ROBO2: variants seen among roughly 807,000 people sequenced by gnomAD.
The protein encoded by ROBO2 is roundabout homolog 2.
A neutral mutation model predicts 160.8 loss-of-function variants in ROBO2; 53 were observed. That is an observed-to-expected ratio of 0.33 (90% CI 0.26 to 0.41). The LOEUF (loss-of-function observed/expected upper bound fraction) is 0.41, where lower values mean the gene tolerates loss of function less well. Among genes scored for constraint, ROBO2 ranks in the 10% least tolerant of loss-of-function variants. The probability of loss-of-function intolerance (pLI) is 1.00; values close to 1 mark genes in which losing one functional copy is unlikely to be tolerated. For missense variants in ROBO2, 1,577 were observed against 1,722.4 expected (o/e 0.92, Z 1.49); for synonymous variants, 664 against 611.7 (o/e 1.09, Z -1.26).
intron 2 of ROBO2, among the ~76,000 whole-genome samples, chr3:76,365,885 C>A (rs1468003183): frequency 2.0e-5 from 3 of 151,982 alleles, no homozygotes; most frequent in Non-Finnish European, 2.9e-5. Context: ...CTTTTCAAAA[C>A]CAAAGACAAA....
intron 2 of ROBO2, among the ~76,000 whole-genome samples, chr3:76,248,611 T>G (rs1402153319): frequency 3.3e-5 from 5 of 151,262 alleles, no homozygotes; most frequent in Admixed American, 2.6e-4. Flanking sequence ...CTGCACAATG[T>G]GCACATGTAC....
chr3:76,503,413 A>C (rs1379470308), intron 2 of ROBO2, among the ~76,000 whole-genome samples: 1 of 152,202 alleles, frequency 6.6e-6, no homozygotes. Flanking sequence ...TGATAAACTC[A>C]GTATTAGCAT....
intron 2 of ROBO2, among the ~76,000 whole-genome samples, chr3:77,181,739 A>G (rs2080806702): frequency 1.3e-5 from 2 of 152,130 alleles, no homozygotes; most frequent in South Asian, 2.1e-4. Flanking sequence ...TTCAGAATGT[A>G]TCAATAATGT....
intron 1 of ROBO2, among the ~76,000 whole-genome samples, chr3:77,043,771 C>T (rs1362378502): frequency 3.9e-5 from 6 of 152,066 alleles, no homozygotes; most frequent in Admixed American, 3.3e-4. Context: ...TATATTACAT[C>T]AATCTGATAA....
intron 2 of ROBO2, among the ~76,000 whole-genome samples, chr3:76,751,662 T>C (rs953184640): frequency 6.6e-6 from 1 of 152,064 alleles, no homozygotes; most frequent in Non-Finnish European, 1.5e-5. Flanking sequence ...AAAGAAGACA[T>C]TTATGCAGCC....
At chr3:77,048,664 T>C (rs1403425161) in intron 1 of ROBO2, among the ~76,000 whole-genome samples, 1 of 152,232 alleles carries the variant, frequency 6.6e-6, no homozygotes, top group Non-Finnish European at 1.5e-5. Flanking sequence ...ACTCACTAAT[T>C]CGTTTTCTAG....
chr3:76,117,707 T>C (rs1178513779), intron 2 of ROBO2, among the ~76,000 whole-genome samples: 3 of 152,140 alleles, frequency 2.0e-5, no homozygotes, highest in Non-Finnish European at 4.4e-5. Flanking sequence ...TTTAACATAA[T>C]CAAATTCTAT....
chr3:77,481,862 G>A (rs1242521472), intron 4 of ROBO2, among the ~76,000 whole-genome samples: 1 of 152,084 alleles, frequency 6.6e-6, no homozygotes, highest in Non-Finnish European at 1.5e-5. Flanking sequence ...TATTGGAAAG[G>A]AGAAAACTGG....
chr3:76,043,929 C>G (rs1023021355), intron 2 of ROBO2, among the ~76,000 whole-genome samples: 3 of 151,998 alleles, frequency 2.0e-5, no homozygotes, highest in African/African-American at 7.3e-5. Context: ...CTACCTCCTT[C>G]CCTATTGTTT....
chr3:77,644,090 G>A (rs967022058), intron 24 of ROBO2, among the ~76,000 whole-genome samples: 7 of 149,726 alleles, frequency 4.7e-5, no homozygotes, highest in African/African-American at 1.7e-4. Flanking sequence ...TGTAACATAT[G>A]TCATGAGTTA....
At chr3:76,112,684 C>A (rs1481282581) in intron 2 of ROBO2, among the ~76,000 whole-genome samples, 1 of 145,586 alleles carries the variant, frequency 6.9e-6, no homozygotes, top group Non-Finnish European at 1.5e-5. Context: ...AAATTCAAAT[C>A]AGATTATTCT....
chr3:76,905,132 G>A (rs1341022832), intron 2 of ROBO2, among the ~76,000 whole-genome samples: 2 of 152,084 alleles, frequency 1.3e-5, no homozygotes, highest in Non-Finnish European at 2.9e-5. Flanking sequence ...GCAAGGATAT[G>A]GGTTAGATAA....
intron 2 of ROBO2, among the ~76,000 whole-genome samples, chr3:76,515,951 C>T (rs575411495): frequency 1.3e-5 from 2 of 152,046 alleles, no homozygotes; most frequent in South Asian, 2.1e-4. Context: ...CATGTGGTAC[C>T]GAGAGCAGCA....
intron 2 of ROBO2, among the ~76,000 whole-genome samples, chr3:77,457,456 C>T (rs555636532): frequency 8.6e-5 from 13 of 151,462 alleles, no homozygotes; most frequent in Admixed American, 2.6e-4. Context: ...TTGAGCGTAG[C>T]GAAAATTTCT....
At chr3:76,873,615 A>C (rs2072372862) in intron 2 of ROBO2, among the ~76,000 whole-genome samples, 1 of 152,042 alleles carries the variant, frequency 6.6e-6, no homozygotes, top group African/African-American at 2.4e-5. Context: ...TAGTAGTATG[A>C]AATGAGGGTC....
chr3:77,117,153 A>T (rs2074289627), intron 2 of ROBO2, among the ~76,000 whole-genome samples: 1 of 152,170 alleles, frequency 6.6e-6, no homozygotes, highest in Non-Finnish European at 1.5e-5. Context: ...TTTTTGTGAT[A>T]TTTTTATAAC....
At chr3:77,053,520 A>G (rs66757765) in intron 1 of ROBO2, among the ~76,000 whole-genome samples, 14,118 of 152,088 alleles carry the variant, frequency 0.093, 813 homozygotes, top group East Asian at 0.17. Flanking sequence ...GTAATACCCA[A>G]AGGCAATCAG....
intron 2 of ROBO2, among the ~76,000 whole-genome samples, chr3:77,004,596 A>G (rs2061489446): frequency 1.3e-5 from 2 of 152,238 alleles, no homozygotes; most frequent in African/African-American, 4.8e-5. Flanking sequence ...AAAGCTGCTT[A>G]TCATCAAAGT....
Position 76,021,410 on chromosome 3 carries a change from A to G in ROBO2, c.109+83808A>G, listed in dbSNP as rs146212973. Among the ~76,000 whole-genome samples the G allele has an allele frequency of 6.0e-3, 909 of 151,918 alleles. 3 individuals carry two copies. The highest frequency in any genetic ancestry group is 0.01 in the Middle Eastern group (3 of 294). On this transcript the variant is annotated intron_variant, in intron 2 of 26. Coordinates refer to the ROBO2 transcript ENST00000487694. The stretch of plus-strand genomic sequence containing the variant: ...CATTATTTCCCAAACATGTGTTTTC[A>G]TTTTGATGATAGTCAGCTACTAATC...
Sources: gnomAD v4.1 joint callset for allele counts (sites outside exome capture counted in the v4.1 genomes callset) on GRCh38, gnomAD v4.1.1 for gene constraint, MANE v1.5 for transcripts, NCBI Gene and HGNC (gene_info 2026-07-23, HGNC 2026-07-21) for gene names.